The following CRB1 variants were observed in gnomAD, a reference collection of about 807,000 sequenced individuals.
CRB1 encodes protein crumbs homolog 1.
Under a neutral mutation model 120.0 loss-of-function variants are expected in CRB1, and 83 were observed. That is an observed-to-expected ratio of 0.69 (90% CI 0.58 to 0.83). CRB1 has a LOEUF of 0.83. Among genes scored for constraint, CRB1 ranks in the 40% least tolerant of loss-of-function variants. The pLI, the probability that CRB1 is intolerant of heterozygous loss-of-function variation, is 0.00. For missense variants in CRB1, 1,699 were observed against 1,687.6 expected (o/e 1.01, Z -0.12); for synonymous variants, 625 against 612.5 (o/e 1.02, Z -0.30).
the CRB1 span, among the ~76,000 whole-genome samples, chr1:197,250,335 T>A: frequency 6.6e-6 from 1 of 152,046 alleles, no homozygotes; most frequent in Admixed American, 6.6e-5. Context: ...TCTCTTCATC[T>A]TTAATTTCAA....
intron 5 of CRB1, among the ~76,000 whole-genome samples, chr1:197,375,573 C>T (rs1232264252): frequency 6.6e-6 from 1 of 152,138 alleles, no homozygotes; most frequent in Non-Finnish European, 1.5e-5. Context: ...TATATGGACT[C>T]TCCCAACACC....
At chr1:197,224,008 C>G in the CRB1 span, among the ~76,000 whole-genome samples, 1 of 152,028 alleles carries the variant, frequency 6.6e-6, no homozygotes, top group Admixed American at 6.5e-5. Flanking sequence ...GTTTGTGGTC[C>G]AACTTCATCC....
chr1:197,337,423 C>G (rs1659218479), intron 2 of CRB1, among the ~76,000 whole-genome samples: 1 of 152,148 alleles, frequency 6.6e-6, no homozygotes, highest in African/African-American at 2.4e-5. Flanking sequence ...TAGATGTTCT[C>G]TAGTGGTTTG....
rs539044080 is a variant in CRB1, at chr1:197,457,215, C to T, written c.4005+14923C>T. ...CCTAAGTACGCCTCTATCATAGCAT[C>T]GTATAATAATACTAATAGTGGCTAA... On this transcript the variant is annotated intron_variant, in intron 11 of 11. Transcript: ENST00000367400. Among the ~76,000 whole-genome samples, 15 of 152,128 alleles carry T rather than the reference C, an allele frequency of 9.9e-5. No individual in the cohort carries two copies. In the South Asian group the frequency reaches 2.7e-3, roughly 27 times the overall value.
At chr1:197,334,641 C>T (rs776218838) in intron 2 of CRB1, among the ~76,000 whole-genome samples, 6 of 152,202 alleles carry the variant, frequency 3.9e-5, no homozygotes, top group Non-Finnish European at 5.9e-5. Flanking sequence ...TTTAAACATC[C>T]GGAGCTAAGA....
At chr1:197,473,049 A>G (rs142651061) in intron 11 of CRB1, among the ~76,000 whole-genome samples, 1 of 152,334 alleles carries the variant, frequency 6.6e-6, no homozygotes, top group East Asian at 1.9e-4. Flanking sequence ...AAAATGGTAT[A>G]TGAGCAGAGC....
the CRB1 span, among the ~76,000 whole-genome samples, chr1:197,252,983 C>T: frequency 6.6e-6 from 1 of 151,972 alleles, no homozygotes; most frequent in Non-Finnish European, 1.5e-5. Flanking sequence ...CTGGAAACAC[C>T]TTCACAGACA....
At chr1:197,420,277 G>A (rs369848504) in intron 5 of CRB1, among the ~76,000 whole-genome samples, 25 of 152,102 alleles carry the variant, frequency 1.6e-4, no homozygotes, top group African/African-American at 3.1e-4. Context: ...GGTGTTATAC[G>A]TATTCATATT....
intron 11 of CRB1, among the ~76,000 whole-genome samples, chr1:197,446,231 A>C (rs1400426488): frequency 6.6e-6 from 1 of 151,912 alleles, no homozygotes; most frequent in Non-Finnish European, 1.5e-5. Flanking sequence ...CTTAGGATGT[A>C]ACTAGGATGT....
chr1:197,235,278 C>T, the CRB1 span, among the ~76,000 whole-genome samples: 18 of 152,072 alleles, frequency 1.2e-4, no homozygotes, highest in African/African-American at 4.3e-4. Flanking sequence ...CCACTTGGGT[C>T]CCATTAATTA....
At chr1:197,263,251 A>T (rs1462268532), upstream of CRB1, among the ~76,000 whole-genome samples, 1 of 151,960 alleles carries the variant, frequency 6.6e-6, no homozygotes, top group Non-Finnish European at 1.5e-5. Flanking sequence ...ATCTCATTGT[A>T]GTTTTGATTT....
At chr1:197,375,187 G>A (rs1449156314) in intron 5 of CRB1, among the ~76,000 whole-genome samples, 1 of 152,162 alleles carries the variant, frequency 6.6e-6, no homozygotes, top group Non-Finnish European at 1.5e-5. Flanking sequence ...GCCTGTTACT[G>A]TTTCATGGAT....
intron 11 of CRB1, among the ~76,000 whole-genome samples, chr1:197,459,806 T>C (rs1482881095): frequency 6.6e-6 from 1 of 152,134 alleles, no homozygotes; most frequent in Admixed American, 6.6e-5. Context: ...ACAAACTGTT[T>C]ATTCTTCCAG....
Position 197,477,691 on chromosome 1 carries a change from T to C in CRB1, c.4033T>C (p.Phe1345Leu). 1 of 1,613,886 alleles carries C rather than the reference T, an allele frequency of 6.2e-7. No individual in the cohort carries two copies. Among genetic ancestry groups the C allele is most frequent in the Non-Finnish European group, 8.5e-7 (1 of 1,179,830 alleles). The change falls in exon 12 of 12, where the codon TTC (phenylalanine) becomes CTC (leucine). Residue 1345 changes from phenylalanine to leucine, a missense_variant. Physicochemically the swap from Phe to Leu is conservative, Grantham distance 22. Coordinates refer to ENST00000367400, the MANE Select transcript of CRB1 (RefSeq NM_201253.3). ...DLADDLISDI[F>L]TTIGSVTVAL... is the part of the protein sequence containing the mutation. ...GGCAGATGACTTGATCTCCGACATT[T>C]TCACCACTATTGGCTCAGTGACTGT...
the CRB1 span, among the ~76,000 whole-genome samples, chr1:197,214,602 C>G: frequency 5.3e-5 from 8 of 151,986 alleles, no homozygotes; most frequent in African/African-American, 1.9e-4. Flanking sequence ...CTTCTATAAG[C>G]ATACAACCAA....
At position 197,371,193 on chromosome 1, in the gene CRB1, C is replaced by T. The variant is rs934220837; in HGVS notation, c.1171+14180C>T. Among the ~76,000 whole-genome samples, 5 of 152,248 alleles carry T rather than the reference C, an allele frequency of 3.3e-5. No individual in the cohort carries two copies. The East Asian group carries it at 9.7e-4, about 29-fold the overall frequency. On this transcript the variant is annotated intron_variant, in intron 5 of 11. Coordinates refer to ENST00000367400, the MANE Select transcript of CRB1 (RefSeq NM_201253.3). ...ATAATTATTCCCTTGCATATACCTT[C>T]GGCTCACCTGATTCTTTCTCTCTTC...
In CRB1 at chr1:197,439,023, C is replaced by T. The variant is rs543621066; in HGVS notation, c.3878+348C>T. ...GTTGCTGTCGAGGTAAAATAAATTA[C>T]AACTAAAAGATTGCCTCATAGAATT... On this transcript the variant is annotated intron_variant, in intron 10 of 11. Transcript: ENST00000367400. 45 of 287,090 alleles carry T rather than the reference C, an allele frequency of 1.6e-4. No individual in the cohort carries two copies. The South Asian group carries it at 1.6e-3, about 10-fold the overall frequency. 17.8% of individuals were successfully genotyped at this position (287,090 alleles called of 1,614,324 possible). A position where few individuals can be genotyped will look rare whatever the true frequency, so the allele number is the denominator to read the frequency against.
At chr1:197,457,435 G>A (rs575903532) in intron 11 of CRB1, among the ~76,000 whole-genome samples, 3 of 152,088 alleles carry the variant, frequency 2.0e-5, no homozygotes, top group Non-Finnish European at 4.4e-5. Context: ...CACGCTTTCA[G>A]ATCCCGGAGC....
chr1:197,385,743 G>A (rs1402122150), intron 5 of CRB1, among the ~76,000 whole-genome samples: 2 of 152,088 alleles, frequency 1.3e-5, no homozygotes, highest in South Asian at 2.1e-4. Context: ...TATACTGAAC[G>A]CCTCAAGAGC....
Sources: gnomAD v4.1 joint callset for allele counts (sites outside exome capture counted in the v4.1 genomes callset) on GRCh38, gnomAD v4.1.1 for gene constraint, MANE v1.5 for transcripts, NCBI Gene and HGNC (gene_info 2026-07-23, HGNC 2026-07-21) for gene names.